The following NXPE4 variants were observed in gnomAD, a reference collection of about 807,000 sequenced individuals.
NXPE4 encodes the protein neurexophilin and PC-esterase domain family member 4.
A neutral mutation model predicts 33.3 loss-of-function variants in NXPE4; 42 were observed. The observed-to-expected ratio is 1.26, with a 90% CI of 0.98 to 1.63. The LOEUF (loss-of-function observed/expected upper bound fraction) is 1.63. Among genes scored for constraint, NXPE4 ranks in the 40% most tolerant of loss-of-function variants. NXPE4 has a pLI of 0.00. For missense variants in NXPE4, 709 were observed against 647.6 expected (o/e 1.09, Z -1.03); for synonymous variants, 253 against 234.9 (o/e 1.08, Z -0.71).
chr11:114,601,851 T>C, the NXPE4 span, among the ~76,000 whole-genome samples: 2 of 42,500 alleles, frequency 4.7e-5, no homozygotes, highest in Non-Finnish European at 7.3e-5. Flanking sequence ...TAATATAAAA[T>C]ATATAATATA....
chr11:114,651,010 G>A, the NXPE4 span, among the ~76,000 whole-genome samples: 1 of 151,838 alleles, frequency 6.6e-6, no homozygotes. Context: ...CTAAGCACAA[G>A]GCAACAAAGA....
chr11:114,607,368 C>T, the NXPE4 span, among the ~76,000 whole-genome samples: 25 of 151,916 alleles, frequency 1.6e-4, no homozygotes, highest in South Asian at 4.2e-4. Flanking sequence ...CACTGTTATC[C>T]GGTGGATAAT....
At chr11:114,574,985 T>C (rs1420988520) in intron 5 of NXPE4, among the ~76,000 whole-genome samples, 2 of 152,206 alleles carry the variant, frequency 1.3e-5, no homozygotes, top group East Asian at 3.9e-4. Flanking sequence ...ATCAAAAAGA[T>C]AATCCACCAT....
At chr11:114,614,025 CG>C in the NXPE4 span, among the ~76,000 whole-genome samples, 23 of 151,686 alleles carry the variant, frequency 1.5e-4, no homozygotes, top group Admixed American at 1.5e-3. Flanking sequence ...AGTATTGTCT[CG>C]TGGGTAACCA....
At chr11:114,640,197 ATATAT>A in the NXPE4 span, among the ~76,000 whole-genome samples, 7,111 of 136,822 alleles carry the variant, frequency 0.052, 489 homozygotes, top group East Asian at 0.33. Context: ...TATAATTTAT[ATATAT>A]TATATTTTAA....
At chr11:114,603,478 G>A in the NXPE4 span, among the ~76,000 whole-genome samples, 4 of 149,830 alleles carry the variant, frequency 2.7e-5, no homozygotes, top group Admixed American at 6.7e-5. Flanking sequence ...GTATTGCCTC[G>A]TCTCCTAGGT....
the NXPE4 span, among the ~76,000 whole-genome samples, chr11:114,639,724 T>TA: frequency 8.2e-6 from 1 of 121,786 alleles, no homozygotes; most frequent in Admixed American, 9.7e-5. Flanking sequence ...TATAATATAG[T>TA]AATATAATAT....
At chr11:114,594,798 A>T (rs762098410) in intron 1 of NXPE4, 29 bp from the exon 2 acceptor site, 1 of 1,107,874 alleles carries the variant, frequency 9.0e-7, no homozygotes, top group South Asian at 1.4e-5. Context: ...AAACAAGCAC[A>T]AAAACATACA....
the NXPE4 span, among the ~76,000 whole-genome samples, chr11:114,605,343 G>A: frequency 5.9e-5 from 9 of 151,840 alleles, no homozygotes; most frequent in East Asian, 7.8e-4. Flanking sequence ...GTATTGCCTC[G>A]TGGGTGACCA....
chr11:114,594,887 T>C (rs1449500064), intron 1 of NXPE4, 118 bp from the exon 2 acceptor site: 2 of 591,306 alleles, frequency 3.4e-6, no homozygotes, highest in Non-Finnish European at 6.0e-6. Context: ...CTCAGATAAA[T>C]AACTCCCAGA....
At chr11:114,675,556 TA>T in the NXPE4 span, among the ~76,000 whole-genome samples, 1 of 151,758 alleles carries the variant, frequency 6.6e-6, no homozygotes, top group African/African-American at 2.4e-5. Context: ...TAATTTAATA[TA>T]GCATAAAAAA....
At chr11:114,638,901 C>T in the NXPE4 span, among the ~76,000 whole-genome samples, 2 of 139,810 alleles carry the variant, frequency 1.4e-5, no homozygotes, top group African/African-American at 5.6e-5. Context: ...AGTTAGGCTG[C>T]TTGGGGGTCA....
the NXPE4 span, among the ~76,000 whole-genome samples, chr11:114,602,215 A>G: frequency 2.8e-5 from 3 of 107,336 alleles, no homozygotes; most frequent in African/African-American, 7.4e-5. Flanking sequence ...TATATACAAT[A>G]TATGTTATAG....
the NXPE4 span, among the ~76,000 whole-genome samples, chr11:114,676,912 A>G: frequency 1.3e-5 from 2 of 152,032 alleles, no homozygotes; most frequent in Non-Finnish European, 2.9e-5. Context: ...ACACATAAAC[A>G]GTTGGGTGTT....
the NXPE4 span, among the ~76,000 whole-genome samples, chr11:114,620,526 C>T: frequency 9.2e-5 from 14 of 151,542 alleles, no homozygotes; most frequent in East Asian, 3.9e-4. Context: ...CACTTTAAGG[C>T]GGTAGATAAT....
the NXPE4 span, among the ~76,000 whole-genome samples, chr11:114,653,365 G>GT: frequency 6.6e-5 from 10 of 152,158 alleles, no homozygotes; most frequent in African/African-American, 2.4e-4. Flanking sequence ...AAGCTCAACG[G>GT]TTTTGTTGTA....
At chr11:114,609,400 G>T in the NXPE4 span, among the ~76,000 whole-genome samples, 4 of 151,666 alleles carry the variant, frequency 2.6e-5, no homozygotes, top group East Asian at 5.8e-4. Context: ...TGCATCGCTG[G>T]TAACCACTGT....
chr11:114,591,268 A>T (rs1404339413), intron 2 of NXPE4, among the ~76,000 whole-genome samples: 1 of 152,212 alleles, frequency 6.6e-6, no homozygotes, highest in African/African-American at 2.4e-5. Context: ...TAACATTTAC[A>T]TTGACTCCAA....
At chr11:114,674,470 G>A in the NXPE4 span, among the ~76,000 whole-genome samples, 1 of 151,510 alleles carries the variant, frequency 6.6e-6, no homozygotes, top group African/African-American at 2.4e-5. Context: ...ACTTTAAAAT[G>A]GATTTTAGAG....
Sources: allele counts gnomAD v4.1 joint callset (sites outside exome capture counted in the v4.1 genomes callset), GRCh38; gene constraint gnomAD v4.1.1; transcripts MANE v1.5; gene names NCBI Gene and HGNC (gene_info 2026-07-23, HGNC 2026-07-21).